The following SHISA6 variants were observed in gnomAD, a reference collection of about 807,000 sequenced individuals.
SHISA6 encodes protein shisa-6.
A neutral mutation model predicts 47.9 loss-of-function variants in SHISA6; 22 were observed. The ratio of observed to expected loss-of-function variants is 0.46; its 90% CI spans 0.33 to 0.66. SHISA6 has a LOEUF of 0.66. Ranked by LOEUF, SHISA6 falls within the 30% of genes least tolerant of loss-of-function variation. The pLI is 0.02. For missense variants in SHISA6, 680 were observed against 764.6 expected, an observed-to-expected ratio of 0.89 and a Z score of 1.30; for synonymous variants, 388 against 337.8, an observed-to-expected ratio of 1.15 and a Z score of -1.63.
At position 11,336,371 on chromosome 17, in the gene SHISA6, C is replaced by T. The variant is rs548606873; in HGVS notation, c.800-43043C>T. On this transcript the variant is annotated intron_variant, in intron 2 of 5. Transcript: ENST00000441885. ...GGGGTGCTGGGAGCTTAAAGGGGAA[C>T]GTGGTAAGCTATTATGGGGGCAGAG... 7.3e-5 allele frequency among the ~76,000 whole-genome samples: 11 copies of T among 151,322 alleles called. No individual in the cohort carries two copies. The South Asian group carries it at 8.4e-4, about 12-fold the overall frequency.
chr17:11,342,891 C>A (rs1479893013), intron 2 of SHISA6, among the ~76,000 whole-genome samples: 2 of 152,180 alleles, frequency 1.3e-5, no homozygotes, highest in Non-Finnish European at 2.9e-5. Context: ...TTGCACATTT[C>A]TCCAGATACA....
chr17:11,325,803 G>T (rs984048050), intron 2 of SHISA6, among the ~76,000 whole-genome samples: 6 of 152,146 alleles, frequency 3.9e-5, no homozygotes, highest in Non-Finnish European at 7.4e-5. Flanking sequence ...ACAATGAAGA[G>T]GTTGGCTTAG....
chr17:11,381,850 G>A (rs1486076905), intron 3 of SHISA6, among the ~76,000 whole-genome samples: 5 of 152,232 alleles, frequency 3.3e-5, no homozygotes, highest in South Asian at 4.1e-4. Flanking sequence ...CCCCTCCTGT[G>A]CGTGCATTGC....
chr17:11,419,237 A>G (rs1914381021), intron 3 of SHISA6, among the ~76,000 whole-genome samples: 1 of 147,270 alleles, frequency 6.8e-6, no homozygotes, highest in East Asian at 1.9e-4. Flanking sequence ...TTTAAAAAAG[A>G]AAAAAGAAAA....
chr17:11,530,612 A>G (rs969726351), intron 3 of SHISA6, among the ~76,000 whole-genome samples: 1 of 152,222 alleles, frequency 6.6e-6, no homozygotes, highest in African/African-American at 2.4e-5. Context: ...GAGAAATGGC[A>G]TGCTTCCTTC....
At chr17:11,411,340 G>C (rs923685222) in intron 3 of SHISA6, among the ~76,000 whole-genome samples, 3 of 152,148 alleles carry the variant, frequency 2.0e-5, no homozygotes, top group Middle Eastern at 3.4e-3. Flanking sequence ...AGGTATTTTA[G>C]AAATGTAGGC....
chr17:11,248,443 G>A (rs1048226228), intron 1 of SHISA6, among the ~76,000 whole-genome samples: 3 of 152,118 alleles, frequency 2.0e-5, no homozygotes, highest in Non-Finnish European at 2.9e-5. Flanking sequence ...GTTAAGCCAG[G>A]GCGCCTGTGT....
chr17:11,350,725 A>G (rs1056137216), intron 2 of SHISA6, among the ~76,000 whole-genome samples: 3 of 152,088 alleles, frequency 2.0e-5, no homozygotes, highest in Non-Finnish European at 4.4e-5. Flanking sequence ...TTTCTAGTAT[A>G]TAAATCTGGT....
intron 2 of SHISA6, among the ~76,000 whole-genome samples, chr17:11,291,070 A>G (rs573399262): frequency 6.6e-6 from 1 of 152,146 alleles, no homozygotes; most frequent in East Asian, 1.9e-4. Context: ...TAAATAATCC[A>G]GTAGCTATGT....
chr17:11,263,001 C>T (rs749652823), intron 1 of SHISA6, among the ~76,000 whole-genome samples: 5 of 152,094 alleles, frequency 3.3e-5, no homozygotes, highest in East Asian at 1.9e-4. Flanking sequence ...AATTTGAGGC[C>T]GATGGTTTCA....
intron 2 of SHISA6, among the ~76,000 whole-genome samples, chr17:11,269,737 C>T (rs1908569369): frequency 6.6e-6 from 1 of 151,996 alleles, no homozygotes; most frequent in Non-Finnish European, 1.5e-5. Context: ...GTTTTGGAGC[C>T]CTATGGAGAT....
chr17:11,303,522 A>G (rs1311978652), intron 2 of SHISA6, among the ~76,000 whole-genome samples: 1 of 151,450 alleles, frequency 6.6e-6, no homozygotes. Flanking sequence ...TGAGTGTGTG[A>G]TTGTGTGGTT....
chr17:11,465,866 G>A (rs554029770), intron 3 of SHISA6, among the ~76,000 whole-genome samples: 1 of 152,316 alleles, frequency 6.6e-6, no homozygotes, highest in African/African-American at 2.4e-5. Flanking sequence ...CCCCGGCTCT[G>A]GAAGACACAC....
At chr17:11,553,035 G>T (rs2071944519) in intron 4 of SHISA6, among the ~76,000 whole-genome samples, 1 of 152,166 alleles carries the variant, frequency 6.6e-6, no homozygotes, top group East Asian at 1.9e-4. Flanking sequence ...ACACTGATTA[G>T]AAAAATGAAG....
At chr17:11,310,931 A>T (rs1910309149) in intron 2 of SHISA6, among the ~76,000 whole-genome samples, 1 of 151,976 alleles carries the variant, frequency 6.6e-6, no homozygotes, top group Admixed American at 6.6e-5. Flanking sequence ...ACGTGGTGAA[A>T]CCCTGTCTCT....
At chr17:11,396,798 G>A (rs1913585984) in intron 3 of SHISA6, among the ~76,000 whole-genome samples, 1 of 152,114 alleles carries the variant, frequency 6.6e-6, no homozygotes, top group Non-Finnish European at 1.5e-5. Flanking sequence ...TGCATGCGGG[G>A]CTTAAAACCT....
At chr17:11,249,303 T>TGTGTGTGCGC in intron 1 of SHISA6, among the ~76,000 whole-genome samples, 1 of 150,646 alleles carries the variant, frequency 6.6e-6, no homozygotes, top group Middle Eastern at 3.4e-3. Flanking sequence ...TGTGTGCGCG[T>TGTGTGTGCGC]GCGTGTGTGT....
intron 2 of SHISA6, among the ~76,000 whole-genome samples, chr17:11,343,306 A>G (rs1911597523): frequency 6.6e-6 from 1 of 152,176 alleles, no homozygotes; most frequent in South Asian, 2.1e-4. Flanking sequence ...TCATCGGTTT[A>G]ATTCCAGGGC....
At chr17:11,364,243 C>A (rs1912375844) in intron 2 of SHISA6, among the ~76,000 whole-genome samples, 2 of 152,330 alleles carry the variant, frequency 1.3e-5, no homozygotes, top group South Asian at 4.1e-4. Context: ...ACGTTTCCAT[C>A]ACCCCATAAG....
Sources: allele counts gnomAD v4.1 joint callset (sites outside exome capture counted in the v4.1 genomes callset), GRCh38; gene constraint gnomAD v4.1.1; transcripts MANE v1.5; gene names NCBI Gene and HGNC (gene_info 2026-07-23, HGNC 2026-07-21).